The following MTFR1 variants were observed in gnomAD, a reference collection of about 807,000 sequenced individuals.
The protein encoded by MTFR1 is mitochondrial fission regulator 1.
Under a neutral mutation model 38.8 loss-of-function variants are expected in MTFR1, and 28 were observed. That is an observed-to-expected ratio of 0.72 (90% confidence interval 0.53 to 0.99). The LOEUF is 0.99. Ranked by LOEUF, MTFR1 falls within the 50% of genes least tolerant of loss-of-function variation. The pLI, the probability that MTFR1 is intolerant of heterozygous loss-of-function variation, is 0.00. For synonymous variants in MTFR1, 145 were observed against 137.0 expected, an observed-to-expected ratio of 1.06 and a Z score of -0.41; for missense variants, 358 against 395.5, an observed-to-expected ratio of 0.91 and a Z score of 0.81.
In MTFR1 at chr8:65,682,421, T is replaced by C. The variant is rs769793954; in HGVS notation, c.135T>C (p.Ser45=). The stretch of plus-strand genomic sequence containing the variant: ...TAAGGAAAATTGGTACTAATTTGTC[T>C]CTGATTCAGTGTCCAAGAGTTCAGT... ...SIVRKIGTNL[S]LIQCPRVQFQ... is the part of the protein sequence containing the mutation. Residue 45 remains serine (S), a synonymous_variant, in exon 3 of 8, where the codon TCT becomes TCC. Transcript: ENST00000262146. 6.4e-7 allele frequency: 1 copy of C among 1,562,522 alleles called. No homozygotes were observed. The highest frequency in any genetic ancestry group is 1.2e-5 in the South Asian group (1 of 82,372).
At chr8:65,742,614 T>A (rs1357921122) in intron 3 of MTFR1, among the ~76,000 whole-genome samples, 1 of 152,232 alleles carries the variant, frequency 6.6e-6, no homozygotes, top group African/African-American at 2.4e-5. Flanking sequence ...ACCATGAATG[T>A]ATGTTATCCA....
At chr8:65,657,193 C>T (rs1381324280) in intron 1 of MTFR1, among the ~76,000 whole-genome samples, 39 of 151,318 alleles carry the variant, frequency 2.6e-4, no homozygotes, top group Admixed American at 2.1e-3. Flanking sequence ...TTGTATTTTC[C>T]GTAGAGATGG....
At chr8:65,707,287 ATTTG>A in intron 6 of MTFR1, 31 bp downstream of exon 6, 3 of 1,594,294 alleles carry the variant, frequency 1.9e-6, no homozygotes, top group Non-Finnish European at 2.6e-6. Flanking sequence ...TTTCTTCCCC[ATTTG>A]TTTGTCTTAT....
rs1319960143 is a variant in MTFR1 at position 65,670,023 on chromosome 8, G to A, written c.66+5G>A. The A allele has an allele frequency of 2.1e-5, 33 of 1,587,290 alleles. No individual in the cohort carries two copies. The highest frequency in any genetic ancestry group is 2.7e-5 in the Non-Finnish European group (32 of 1,173,200). On this transcript the variant is annotated splice_donor_5th_base_variant and intron_variant, in intron 2 of 7. Transcript: ENST00000262146. Reference sequence around the variant, plus strand: ...GTTGGAGTAAGCATGCAATCGGTGAGTGCTCAAAATTCATTTTTTAAATCC... The same window carrying A: ...GTTGGAGTAAGCATGCAATCGGTGAATGCTCAAAATTCATTTTTTAAATCC...
chr8:65,696,099 C>T (rs1289811818), intron 4 of MTFR1, among the ~76,000 whole-genome samples: 1 of 152,096 alleles, frequency 6.6e-6, no homozygotes, highest in African/African-American at 2.4e-5. Context: ...AATAGAAAAA[C>T]TAGCAAGTTT....
At chr8:65,771,905 A>AG (rs1174962650), downstream of MTFR1, among the ~76,000 whole-genome samples, 764 of 145,196 alleles carry the variant, frequency 5.3e-3, 1 homozygote, top group African/African-American at 0.018. Context: ...AAAAAAAAAA[A>AG]AAGAAGAAGA....
Position 65,706,930 on chromosome 8 carries a change from AC to A in MTFR1, c.518-79del, listed in dbSNP as rs1406758432. The A allele has an allele frequency of 5.0e-5, 73 of 1,472,156 alleles. 1 individual carries two copies. The Middle Eastern group carries it at 9.8e-4, about 20-fold the overall frequency. 91.2% of individuals were successfully genotyped at this position (1,472,156 alleles called of 1,614,324 possible). ...GTTTTTAGGGGTACAAAAATCTTTA[AC>A]ATCATTTTGCTTTTAAAAACTGATA... is the stretch of plus-strand genomic sequence containing the variant. On this transcript the variant is annotated intron_variant, in intron 5 of 7. Coordinates refer to ENST00000262146, the MANE Select transcript of MTFR1 (RefSeq NM_014637.4).
chr8:65,719,133 A>G, intron 2 of MTFR1: 2 of 616,934 alleles, frequency 3.2e-6, no homozygotes, highest in Non-Finnish European at 2.9e-6. Context: ...AGTGGGTTCA[A>G]ATGATCCAAC....
At chr8:65,760,997 A>G (rs1420882980) in intron 3 of MTFR1, among the ~76,000 whole-genome samples, 3 of 152,192 alleles carry the variant, frequency 2.0e-5, no homozygotes, top group African/African-American at 4.8e-5. Context: ...CATCCGAACA[A>G]TTACTAAAAA....
At chr8:65,696,053 A>C (rs1305230097) in intron 4 of MTFR1, among the ~76,000 whole-genome samples, 2 of 152,146 alleles carry the variant, frequency 1.3e-5, no homozygotes, top group African/African-American at 4.8e-5. Flanking sequence ...ATTGAAGAGG[A>C]GTAGTGATCA....
intron 3 of MTFR1, chr8:65,770,840 A>C (rs1252885947): frequency 1.3e-5 from 2 of 156,564 alleles, no homozygotes; most frequent in Non-Finnish European, 2.9e-5. Context: ...TAAGTTTCTA[A>C]ATTTGATAGG....
intron 3 of MTFR1, chr8:65,689,547 C>A: frequency 8.3e-7 from 1 of 1,206,012 alleles, no homozygotes; most frequent in Non-Finnish European, 1.1e-6. Context: ...CTTTTTTTTT[C>A]TTTTTCCACT....
Position 65,719,558 on chromosome 8 carries a change from T to C in MTFR1, c.*48+77T>C, listed in dbSNP as rs1806289527. 7 of 1,069,760 alleles carry C rather than the reference T, an allele frequency of 6.5e-6. No individual in the cohort carries two copies. In the East Asian group the frequency reaches 9.9e-5, roughly 15 times the overall value. 66.3% of individuals were successfully genotyped at this position (1,069,760 alleles called of 1,614,324 possible). ...CTGAAACTCTATCTTTAAAACATCA[T>C]CTATACAACATTAACCTTCCTACAT... On this transcript the variant is annotated intron_variant, in intron 3 of 3. Coordinates refer to the MTFR1 transcript ENST00000521247.
chr8:65,723,964 C>T (rs768844154), intron 3 of MTFR1, among the ~76,000 whole-genome samples: 52 of 152,214 alleles, frequency 3.4e-4, no homozygotes, highest in Non-Finnish European at 6.2e-4. Context: ...CCTCCACACA[C>T]GACAAGGATA....
chr8:65,677,940 T>G, intron 2 of MTFR1, among the ~76,000 whole-genome samples: 1 of 147,510 alleles, frequency 6.8e-6, no homozygotes, highest in Admixed American at 6.9e-5. Context: ...TGCTTGAACC[T>G]GGGAGGCAGA....
chr8:65,677,383 T>TG (rs1563443582), intron 2 of MTFR1, among the ~76,000 whole-genome samples: 1 of 143,038 alleles, frequency 7.0e-6, no homozygotes, highest in Non-Finnish European at 1.5e-5. Context: ...TTTAGCTGTT[T>TG]CTTTTTTTTT....
chr8:65,682,489 T>C (rs1314975156), intron 3 of MTFR1, 38 bp downstream of exon 3: 12 of 1,088,382 alleles, frequency 1.1e-5, no homozygotes, highest in Non-Finnish European at 1.5e-5. Flanking sequence ...TTTATTAATA[T>C]GTACATTAGA....
intron 1 of MTFR1, among the ~76,000 whole-genome samples, chr8:65,648,155 T>G (rs1254261987): frequency 2.0e-5 from 3 of 151,984 alleles, no homozygotes; most frequent in Admixed American, 1.3e-4. Context: ...TAGCTGGGAC[T>G]ACAGGCGCCC....
intron 3 of MTFR1, among the ~76,000 whole-genome samples, chr8:65,750,052 T>TA (rs1446104495): frequency 2.6e-5 from 4 of 152,166 alleles, no homozygotes; most frequent in African/African-American, 9.7e-5. Flanking sequence ...AGATAAGATC[T>TA]AATTAATGTA....
Sources: allele counts gnomAD v4.1 joint callset (sites outside exome capture counted in the v4.1 genomes callset), GRCh38; gene constraint gnomAD v4.1.1; transcripts MANE v1.5; gene names NCBI Gene and HGNC (gene_info 2026-07-23, HGNC 2026-07-21).